The following CDH12 variants were observed in gnomAD, a reference collection of about 807,000 sequenced individuals.
The protein encoded by CDH12 is cadherin 12.
A neutral mutation model predicts 74.1 loss-of-function variants in CDH12; 41 were observed. The observed-to-expected ratio is 0.55, with a 90% CI of 0.43 to 0.72. The LOEUF (loss-of-function observed/expected upper bound fraction) is 0.72, where lower values mean the gene tolerates loss of function less well. Ranked by LOEUF, CDH12 falls within the 30% of genes least tolerant of loss-of-function variation. The pLI is 0.00. For synonymous variants in CDH12, 399 were observed against 355.0 expected, an observed-to-expected ratio of 1.12 and a Z score of -1.39; for missense variants, 945 against 977.2, an observed-to-expected ratio of 0.97 and a Z score of 0.44.
At chr5:22,042,040 C>A (rs1010772548) in intron 5 of CDH12, among the ~76,000 whole-genome samples, 1 of 152,022 alleles carries the variant, frequency 6.6e-6, no homozygotes, top group Non-Finnish European at 1.5e-5. Context: ...AAATCAACAA[C>A]ATACTCTTGA....
intron 8 of CDH12, among the ~76,000 whole-genome samples, chr5:21,826,082 TCA>T (rs1329292257): frequency 1.3e-5 from 2 of 152,190 alleles, no homozygotes; most frequent in Admixed American, 6.6e-5. Context: ...CTATGTTTAT[TCA>T]GTCTTTCCTT....
rs535276900 is a variant in CDH12, at chr5:22,643,170, G to A, written c.-522-137806C>T. On this transcript the variant is annotated intron_variant, in intron 1 of 14. Coordinates refer to ENST00000382254, the MANE Select transcript of CDH12 (RefSeq NM_004061.5). ...AAATATTTAATAACATTAAGGCTTC[G>A]TGAAATAGATCTAGCATTTAATGGG... Among the ~76,000 whole-genome samples, 139 of 152,242 alleles carry A rather than the reference G, an allele frequency of 9.1e-4. 1 individual carries two copies. The highest frequency in any genetic ancestry group is 3.2e-4 in the Non-Finnish European group (22 of 68,006).
intron 1 of CDH12, among the ~76,000 whole-genome samples, chr5:22,625,272 T>A (rs1231592152): frequency 6.6e-6 from 1 of 152,090 alleles, no homozygotes; most frequent in African/African-American, 2.4e-5. Context: ...AACCTGCACA[T>A]TGTGCACATG....
chr5:21,763,346 C>T (rs1250521196), intron 12 of CDH12, among the ~76,000 whole-genome samples: 1 of 152,030 alleles, frequency 6.6e-6, no homozygotes, highest in South Asian at 2.1e-4. Context: ...TTTAGTTTCA[C>T]GTAATTTTAA....
chr5:22,576,553 T>C (rs751051818), intron 1 of CDH12, among the ~76,000 whole-genome samples: 6 of 152,170 alleles, frequency 3.9e-5, no homozygotes, highest in Non-Finnish European at 8.8e-5. Context: ...TAGAGTTTTG[T>C]GCACTAAGCA....
At chr5:22,626,490 A>T (rs1018989231) in intron 1 of CDH12, among the ~76,000 whole-genome samples, 2 of 152,220 alleles carry the variant, frequency 1.3e-5, no homozygotes, top group Admixed American at 1.3e-4. Flanking sequence ...GCTGAGGCTT[A>T]GCCCCCTGAA....
chr5:22,407,676 AGTTAAACT>A (rs1362954377), intron 2 of CDH12, among the ~76,000 whole-genome samples: 1 of 152,092 alleles, frequency 6.6e-6, no homozygotes, highest in East Asian at 1.9e-4. Context: ...GTTTAGGAGG[AGTTAAACT>A]GTTTGCACAC....
chr5:21,908,828 A>C (rs1219821545), intron 6 of CDH12, among the ~76,000 whole-genome samples: 1 of 152,190 alleles, frequency 6.6e-6, no homozygotes, highest in Non-Finnish European at 1.5e-5. Context: ...TTTTGGAATC[A>C]GATTTTGGTG....
At chr5:22,664,827 C>T (rs1435245138) in intron 1 of CDH12, among the ~76,000 whole-genome samples, 1 of 152,112 alleles carries the variant, frequency 6.6e-6, no homozygotes, top group Non-Finnish European at 1.5e-5. Flanking sequence ...TGTACACATA[C>T]TACTATGAAT....
At chr5:22,571,255 T>C (rs768195251) in intron 1 of CDH12, among the ~76,000 whole-genome samples, 1 of 152,190 alleles carries the variant, frequency 6.6e-6, no homozygotes. Context: ...GGCTAACTAG[T>C]GCAAGAGATG....
chr5:22,038,712 G>T (rs1739354251), intron 5 of CDH12, among the ~76,000 whole-genome samples: 1 of 152,176 alleles, frequency 6.6e-6, no homozygotes, highest in African/African-American at 2.4e-5. Flanking sequence ...TCATGCATCA[G>T]TTGACACCCA....
chr5:21,816,524 T>C (rs147493557), intron 9 of CDH12, among the ~76,000 whole-genome samples: 2,406 of 146,894 alleles, frequency 0.016, 57 homozygotes, highest in African/African-American at 0.057. Context: ...ACTCAGGAGT[T>C]TGAGGCAGGA....
At chr5:22,276,874 A>C (rs1249101607) in intron 3 of CDH12, among the ~76,000 whole-genome samples, 2 of 152,196 alleles carry the variant, frequency 1.3e-5, no homozygotes, top group Non-Finnish European at 2.9e-5. Context: ...TATTTCAATA[A>C]TGTATTTAAA....
At chr5:22,130,942 A>G (rs1746148035) in intron 4 of CDH12, among the ~76,000 whole-genome samples, 1 of 151,818 alleles carries the variant, frequency 6.6e-6, no homozygotes, top group Non-Finnish European at 1.5e-5. Flanking sequence ...ATACATGTGC[A>G]TTATTTTGTT....
intron 3 of CDH12, among the ~76,000 whole-genome samples, chr5:22,249,495 G>C (rs1169260445): frequency 6.6e-6 from 1 of 152,192 alleles, no homozygotes; most frequent in East Asian, 1.9e-4. Context: ...ACTAAAATCT[G>C]TGAGAAGAAC....
intron 5 of CDH12, among the ~76,000 whole-genome samples, chr5:22,013,272 G>T (rs899335992): frequency 1.3e-5 from 2 of 152,098 alleles, no homozygotes; most frequent in African/African-American, 4.8e-5. Flanking sequence ...AAGCAGGGAA[G>T]AACTCCTTAT....
At chr5:22,632,267 A>G (rs561027341) in intron 1 of CDH12, among the ~76,000 whole-genome samples, 5 of 152,212 alleles carry the variant, frequency 3.3e-5, no homozygotes, top group African/African-American at 4.8e-5. Context: ...AGCCTGCAGA[A>G]CAATGAGACA....
Position 22,529,184 on chromosome 5 carries a change from TATATAGAGAGAGAG to T in CDH12, c.-522-23834_-522-23821del, listed in dbSNP as rs1410552779. Among the ~76,000 whole-genome samples the T allele has an allele frequency of 1.1e-3, 96 of 83,642 alleles. 1 individual carries two copies. The highest frequency in any genetic ancestry group is 1.2e-3 in the African/African-American group (25 of 20,484). The allele number at this position is 83,642 out of a possible 152,430, so 54.9% of individuals were successfully genotyped here. ...ACATGTGTATATATATATATATATATATATAGAGAGAGAGAGAGAGAGAGAGAGAGAGAGAGAGA... is the reference window on the plus strand; with the variant it reads ...ACATGTGTATATATATATATATATATAGAGAGAGAGAGAGAGAGAGAGAGA... On this transcript the variant is annotated intron_variant, in intron 1 of 14. Transcript: ENST00000382254.
intron 4 of CDH12, among the ~76,000 whole-genome samples, chr5:22,120,753 C>T (rs896043415): frequency 1.1e-4 from 16 of 152,030 alleles, no homozygotes; most frequent in African/African-American, 3.6e-4. Context: ...CTAATGATTA[C>T]AGTTTTGACT....
Sources: allele counts gnomAD v4.1 joint callset (sites outside exome capture counted in the v4.1 genomes callset), GRCh38; gene constraint gnomAD v4.1.1; transcripts MANE v1.5; gene names NCBI Gene and HGNC (gene_info 2026-07-23, HGNC 2026-07-21).